Variants in NELL2 observed in about 807,000 individuals in gnomAD.
NELL2 encodes neural EGFL like 2, also known as protein kinase C-binding protein NELL2.
Under a neutral mutation model 109.6 loss-of-function variants are expected in NELL2, and 41 were observed. The ratio of observed to expected loss-of-function variants is 0.37; its 90% confidence interval spans 0.29 to 0.49. The LOEUF is 0.49. Ranked by LOEUF, NELL2 falls within the 20% of genes least tolerant of loss-of-function variation. The pLI is 0.98. For missense variants in NELL2, 900 were observed against 1,008.3 expected (o/e 0.89, Z 1.45); for synonymous variants, 355 against 344.7 (o/e 1.03, Z -0.33).
At chr12:44,835,615 G>T (rs892236882) in intron 2 of NELL2, among the ~76,000 whole-genome samples, 4 of 152,194 alleles carry the variant, frequency 2.6e-5, no homozygotes, top group Non-Finnish European at 4.4e-5. Context: ...TCTATTTTTA[G>T]GATCTTGTCC....
intron 9 of NELL2, among the ~76,000 whole-genome samples, chr12:44,734,097 C>A (rs1025796461): frequency 6.6e-6 from 1 of 152,060 alleles, no homozygotes; most frequent in South Asian, 2.1e-4. Flanking sequence ...ATTACTACAA[C>A]TTTACTCTAT....
chr12:44,746,983 T>G (rs1940399877), intron 9 of NELL2, among the ~76,000 whole-genome samples: 1 of 152,180 alleles, frequency 6.6e-6, no homozygotes. Context: ...CATGCTGCTA[T>G]AAAGACTCAT....
intron 15 of NELL2, among the ~76,000 whole-genome samples, chr12:44,537,656 T>C (rs1942356745): frequency 6.6e-6 from 1 of 152,134 alleles, no homozygotes; most frequent in South Asian, 2.1e-4. Flanking sequence ...AACAATGAAC[T>C]CTTGATTACC....
chr12:44,832,162 T>A (rs535626630), intron 2 of NELL2, among the ~76,000 whole-genome samples: 1 of 152,308 alleles, frequency 6.6e-6, no homozygotes, highest in East Asian at 1.9e-4. Context: ...AGGGGCCATA[T>A]AAGAATGAGC....
chr12:44,546,757 C>G (rs1942811472), intron 15 of NELL2, among the ~76,000 whole-genome samples: 1 of 152,040 alleles, frequency 6.6e-6, no homozygotes, highest in African/African-American at 2.4e-5. Flanking sequence ...CAAGGCAACC[C>G]CAAATGATAG....
chr12:44,537,905 T>C (rs915521883), intron 15 of NELL2, among the ~76,000 whole-genome samples: 11 of 152,112 alleles, frequency 7.2e-5, no homozygotes, highest in Non-Finnish European at 1.3e-4. Context: ...AAATACAACA[T>C]GGTAACATAT....
chr12:44,541,250 C>CAAAAAAA (rs3071951), intron 15 of NELL2, among the ~76,000 whole-genome samples: 2 of 78,892 alleles, frequency 2.5e-5, no homozygotes, highest in Admixed American at 1.7e-4. Flanking sequence ...GACTCCATCT[C>CAAAAAAA]AAAAAAAAAA....
chr12:44,858,476 T>C (rs749712033), intron 2 of NELL2, among the ~76,000 whole-genome samples: 22 of 152,198 alleles, frequency 1.4e-4, no homozygotes. Flanking sequence ...GTTCAGGGAA[T>C]ATGTGCCCAA....
At chr12:44,917,655 T>C (rs1034242379), upstream of NELL2, among the ~76,000 whole-genome samples, 1 of 152,176 alleles carries the variant, frequency 6.6e-6, no homozygotes, top group Non-Finnish European at 1.5e-5. Context: ...GCAGAGGTAA[T>C]TAAGGTCCCA....
chr12:44,610,421 G>A (rs1167961986), intron 14 of NELL2, among the ~76,000 whole-genome samples: 1 of 151,940 alleles, frequency 6.6e-6, no homozygotes, highest in Non-Finnish European at 1.5e-5. Context: ...GAAAAGGAAG[G>A]TTCAACGAAA....
chr12:44,533,140 T>C (rs896719476), intron 15 of NELL2, among the ~76,000 whole-genome samples: 5 of 152,142 alleles, frequency 3.3e-5, no homozygotes, highest in Non-Finnish European at 5.9e-5. Context: ...TCCTTTAAGA[T>C]GCAGTGTGTG....
chr12:44,644,604 G>GTATATATATATATATATATA (rs1555190872), intron 13 of NELL2, among the ~76,000 whole-genome samples: 25 of 81,206 alleles, frequency 3.1e-4, no homozygotes, highest in South Asian at 8.1e-4. Flanking sequence ...ATATATATAT[G>GTATATATATATATATATATA]TATGTATATA....
intron 13 of NELL2, among the ~76,000 whole-genome samples, chr12:44,647,050 C>A (rs1206055927): frequency 6.6e-6 from 1 of 152,208 alleles, no homozygotes; most frequent in African/African-American, 2.4e-5. Context: ...GGGCGTTCTG[C>A]TCAAGACAAA....
chr12:44,783,977 A>T (rs527336153), intron 3 of NELL2, among the ~76,000 whole-genome samples: 9 of 152,246 alleles, frequency 5.9e-5, no homozygotes, highest in African/African-American at 2.2e-4. Flanking sequence ...ATATACCATA[A>T]TCAAGTGGGG....
chr12:44,683,056 G>C (rs1948582689), intron 12 of NELL2, among the ~76,000 whole-genome samples: 1 of 152,192 alleles, frequency 6.6e-6, no homozygotes, highest in Non-Finnish European at 1.5e-5. Context: ...CGTGAGGATG[G>C]AATGTTCCTC....
At chr12:44,767,596 TC>T (rs1941387061) in intron 9 of NELL2, among the ~76,000 whole-genome samples, 1 of 152,200 alleles carries the variant, frequency 6.6e-6, no homozygotes, top group South Asian at 2.1e-4. Flanking sequence ...ATATTATTTC[TC>T]ATAACAAATG....
At chr12:44,661,932 T>G (rs998673895) in intron 13 of NELL2, among the ~76,000 whole-genome samples, 4 of 152,042 alleles carry the variant, frequency 2.6e-5, no homozygotes, top group African/African-American at 9.7e-5. Context: ...TCCTTTATCT[T>G]TTCTCCCTCC....
At chr12:44,528,324 T>C (rs936719270) in intron 16 of NELL2, among the ~76,000 whole-genome samples, 4 of 152,100 alleles carry the variant, frequency 2.6e-5, no homozygotes, top group African/African-American at 7.2e-5. Flanking sequence ...TCCTCTACTT[T>C]GCTGTCTTCC....
intron 9 of NELL2, among the ~76,000 whole-genome samples, chr12:44,720,073 A>C (rs558644473): frequency 4.6e-5 from 7 of 152,302 alleles, no homozygotes; most frequent in Middle Eastern, 6.8e-3. Context: ...AATTCTTAAC[A>C]ATATGGTCAT....
Sources: gnomAD v4.1 joint callset for allele counts (sites outside exome capture counted in the v4.1 genomes callset) on GRCh38, gnomAD v4.1.1 for gene constraint, MANE v1.5 for transcripts, NCBI Gene and HGNC (gene_info 2026-07-23, HGNC 2026-07-21) for gene names.